The following ASTN2 variants were observed in gnomAD, a reference collection of about 807,000 sequenced individuals.
The protein encoded by ASTN2 is astrotactin-2.
A neutral mutation model predicts 139.8 loss-of-function variants in ASTN2; 54 were observed. The ratio of observed to expected loss-of-function variants is 0.39; its 90% CI spans 0.31 to 0.48. ASTN2 has a LOEUF of 0.48. Among genes scored for constraint, ASTN2 ranks in the 20% least tolerant of loss-of-function variants. The probability of loss-of-function intolerance (pLI) is 0.95; values close to 1 mark genes in which losing one functional copy is unlikely to be tolerated. For missense variants in ASTN2, 1,565 were observed against 1,725.1 expected, an observed-to-expected ratio of 0.91 and a Z score of 1.64; for synonymous variants, 756 against 719.5, an observed-to-expected ratio of 1.05 and a Z score of -0.81.
intron 11 of ASTN2, 84 bp from the exon 12 acceptor site, chr9:116,820,867 C>T (rs1831466966): frequency 7.2e-7 from 1 of 1,393,996 alleles, no homozygotes. Flanking sequence ...CTGGAAGAGA[C>T]ATGTGTCAGG....
chr9:116,651,657 C>T lies in ASTN2; in HGVS notation c.2943G>A (p.Gly981=), dbSNP rs144692220. ...AAAGGTGACAGGTAGATGGACAGCG[C>T]CCCTTCTCCTCACAGCGAATCTCCA... ...SGVEIRCEEK[G]RCPSTCHLCR... is the part of the protein sequence containing the mutation. The change falls in exon 17 of 23, where the codon GGG becomes GGA. Residue 981 remains glycine, a synonymous_variant. Coordinates refer to ENST00000313400, the MANE Select transcript of ASTN2 (RefSeq NM_001365068.1). 3.2e-5 allele frequency: 52 copies of T among 1,614,044 alleles called. No individual in the cohort carries two copies. The African/African-American group carries it at 6.5e-4, about 20-fold the overall frequency.
chr9:116,962,547 T>C (rs1036561836), intron 10 of ASTN2, among the ~76,000 whole-genome samples: 1 of 152,192 alleles, frequency 6.6e-6, no homozygotes, highest in Non-Finnish European at 1.5e-5. Context: ...GTTGGAGAGA[T>C]TGTAGTATAT....
chr9:117,304,004 C>T (rs1332694770), intron 1 of ASTN2, among the ~76,000 whole-genome samples: 2 of 152,154 alleles, frequency 1.3e-5, no homozygotes, highest in Non-Finnish European at 2.9e-5. Context: ...GCCTATGCTG[C>T]CCCAGACAAA....
intron 10 of ASTN2, among the ~76,000 whole-genome samples, chr9:116,950,926 T>G (rs1219933319): frequency 1.3e-5 from 2 of 152,166 alleles, no homozygotes; most frequent in Admixed American, 6.5e-5. Flanking sequence ...GTTTCCTTTA[T>G]GTTAAAGATG....
At chr9:116,766,606 C>G (rs1342621600) in intron 13 of ASTN2, among the ~76,000 whole-genome samples, 1 of 152,008 alleles carries the variant, frequency 6.6e-6, no homozygotes, top group Non-Finnish European at 1.5e-5. Flanking sequence ...ACATCACACA[C>G]AAGCATACAT....
intron 7 of ASTN2, among the ~76,000 whole-genome samples, chr9:116,995,748 T>C (rs1836994984): frequency 6.6e-6 from 1 of 152,216 alleles, no homozygotes; most frequent in Non-Finnish European, 1.5e-5. Context: ...AACTGTGATT[T>C]AGTTTCCTCA....
At chr9:116,802,913 C>T (rs1025700386) in intron 13 of ASTN2, among the ~76,000 whole-genome samples, 1 of 152,216 alleles carries the variant, frequency 6.6e-6, no homozygotes, top group African/African-American at 2.4e-5. Flanking sequence ...CCAAGAGGCA[C>T]TATTCTTTGC....
intron 16 of ASTN2, among the ~76,000 whole-genome samples, chr9:116,678,297 A>G (rs2132010896): frequency 6.6e-6 from 1 of 152,330 alleles, no homozygotes; most frequent in South Asian, 2.1e-4. Flanking sequence ...TCTACAATAA[A>G]AAGAGTCAGA....
chr9:116,772,459 T>G (rs750536937), intron 13 of ASTN2, among the ~76,000 whole-genome samples: 2 of 152,198 alleles, frequency 1.3e-5, no homozygotes, highest in Non-Finnish European at 2.9e-5. Flanking sequence ...TCATTAAACC[T>G]CTTTTTCTGT....
At chr9:117,370,572 GTAC>G (rs1301743288) in intron 1 of ASTN2, among the ~76,000 whole-genome samples, 4 of 152,106 alleles carry the variant, frequency 2.6e-5, no homozygotes, top group Non-Finnish European at 5.9e-5. Flanking sequence ...TTTAAAGTAG[GTAC>G]TATTATAGCT....
intron 11 of ASTN2, among the ~76,000 whole-genome samples, chr9:116,847,007 C>CAAAAAA (rs11302692): frequency 1.4e-3 from 107 of 75,666 alleles, no homozygotes; most frequent in Non-Finnish European, 1.8e-3. Context: ...GCTTCATTCT[C>CAAAAAA]AAAAAAAAAA....
chr9:116,565,215 AACACACACACAC>A (rs59415099), intron 19 of ASTN2, among the ~76,000 whole-genome samples: 22 of 134,300 alleles, frequency 1.6e-4, no homozygotes, highest in East Asian at 8.6e-4. Context: ...GCTTGCCACA[AACACACACACAC>A]ACACACACAC....
chr9:116,917,656 G>A (rs1296573380), intron 10 of ASTN2, among the ~76,000 whole-genome samples: 3 of 152,180 alleles, frequency 2.0e-5, no homozygotes, highest in African/African-American at 7.2e-5. Flanking sequence ...GGATTCCTAT[G>A]TACATTAATG....
At chr9:116,869,344 A>G (rs916823218) in intron 10 of ASTN2, among the ~76,000 whole-genome samples, 18 of 152,204 alleles carry the variant, frequency 1.2e-4, no homozygotes, top group Admixed American at 2.6e-4. Context: ...GACAAAATTC[A>G]TGCAATTCCA....
Position 116,608,885 on chromosome 9 carries a change from T to A in ASTN2, c.3355+9439A>T, listed in dbSNP as rs1484339159. On this transcript the variant is annotated intron_variant, in intron 19 of 22. Transcript: ENST00000313400. ...AACTATATCCCATATGTAAAAAAAA[T>A]TAAGAAATAGAATATATTAACAAGA... Among the ~76,000 whole-genome samples the A allele has an allele frequency of 2.7e-4, 41 of 151,948 alleles. 1 individual carries two copies. The highest frequency in any genetic ancestry group is 2.7e-3 in the Admixed American group (41 of 15,258).
chr9:116,701,789 G>T (rs1335006650), intron 16 of ASTN2, among the ~76,000 whole-genome samples: 2 of 151,564 alleles, frequency 1.3e-5, no homozygotes, highest in African/African-American at 4.9e-5. Context: ...GCTGTGCTTA[G>T]TACAGTCGAT....
intron 1 of ASTN2, among the ~76,000 whole-genome samples, chr9:117,385,626 G>T (rs1830376018): frequency 6.6e-6 from 1 of 152,082 alleles, no homozygotes; most frequent in Admixed American, 6.6e-5. Context: ...CCATGGGGTG[G>T]CATGGTTGGG....
intron 3 of ASTN2, among the ~76,000 whole-genome samples, chr9:117,171,652 G>A (rs867453446): frequency 1.3e-5 from 2 of 152,084 alleles, no homozygotes; most frequent in Middle Eastern, 3.4e-3. Flanking sequence ...AGATCTGATG[G>A]TTTTACAAGG....
rs1834641585 is a variant in ASTN2 at position 116,922,545 on chromosome 9, T to C, written c.1889+52663A>G. ...AATGCATGCACAAGTCTGTGTATTG[T>C]TGCATTGTTTGTAATAGTAAAAACA... On this transcript the variant is annotated intron_variant, in intron 10 of 22. Transcript: ENST00000313400. Among the ~76,000 whole-genome samples the C allele has an allele frequency of 2.0e-5, 3 of 152,240 alleles. No individual in the cohort carries two copies. The South Asian group carries it at 6.2e-4, about 32-fold the overall frequency.
Sources: allele counts gnomAD v4.1 joint callset (sites outside exome capture counted in the v4.1 genomes callset), GRCh38; gene constraint gnomAD v4.1.1; transcripts MANE v1.5; gene names NCBI Gene and HGNC (gene_info 2026-07-23, HGNC 2026-07-21).